Variants in RBFOX1 observed in about 807,000 individuals in gnomAD.
The protein encoded by RBFOX1 is RNA binding fox-1 homolog 1.
In RBFOX1, 8 loss-of-function variants were observed where a neutral mutation model predicts 57.7. The observed-to-expected ratio is 0.14, with a 90% CI of 0.08 to 0.25. The LOEUF (loss-of-function observed/expected upper bound fraction) is 0.25. Ranked by LOEUF, RBFOX1 falls within the 10% of genes least tolerant of loss-of-function variation. The probability of loss-of-function intolerance (pLI) is 1.00; values close to 1 mark genes in which losing one functional copy is unlikely to be tolerated. For missense variants in RBFOX1, 611 were observed against 548.5 expected, an observed-to-expected ratio of 1.11 and a Z score of -1.14; for synonymous variants, 326 against 222.4, an observed-to-expected ratio of 1.47 and a Z score of -4.15.
intron 2 of RBFOX1, among the ~76,000 whole-genome samples, chr16:6,382,507 G>C (rs568432269): frequency 2.5e-4 from 38 of 152,234 alleles, no homozygotes; most frequent in African/African-American, 7.2e-4. Flanking sequence ...GCAGCTCTTT[G>C]GGCCTCAGCT....
At chr16:7,636,841 G>C (rs1050400955) in intron 11 of RBFOX1, among the ~76,000 whole-genome samples, 1 of 121,106 alleles carries the variant, frequency 8.3e-6, no homozygotes, top group Admixed American at 8.1e-5. Flanking sequence ...GAGACAGAGA[G>C]AAACAGAGAG....
intron 3 of RBFOX1, among the ~76,000 whole-genome samples, chr16:7,040,958 C>T (rs990298928): frequency 6.6e-6 from 1 of 151,584 alleles, no homozygotes; most frequent in Non-Finnish European, 1.5e-5. Flanking sequence ...CTCTGTCCCC[C>T]AGGCTGGAGT....
chr16:7,699,200 C>G (rs549787293), intron 14 of RBFOX1, among the ~76,000 whole-genome samples: 12 of 152,290 alleles, frequency 7.9e-5, no homozygotes, highest in African/African-American at 2.9e-4. Flanking sequence ...GGGACCTTTT[C>G]TCTTTGAGAT....
chr16:5,576,932 G>A (rs1469305728), intron 2 of RBFOX1, among the ~76,000 whole-genome samples: 2 of 152,170 alleles, frequency 1.3e-5, no homozygotes, highest in Non-Finnish European at 2.9e-5. Flanking sequence ...ACAGCACTTG[G>A]GCCAAGATTA....
intron 3 of RBFOX1, among the ~76,000 whole-genome samples, chr16:6,980,989 G>A (rs972269543): frequency 7.7e-6 from 1 of 129,278 alleles, no homozygotes; most frequent in South Asian, 2.6e-4. Flanking sequence ...GTTGCAGTCT[G>A]CCGAGATCAC....
At chr16:7,441,833 C>G (rs374758121) in intron 4 of RBFOX1, among the ~76,000 whole-genome samples, 11 of 152,174 alleles carry the variant, frequency 7.2e-5, no homozygotes, top group Admixed American at 2.6e-4. Flanking sequence ...TTCGCCCAGC[C>G]TGCTTCACGA....
chr16:7,248,054 T>C (rs984531298), intron 4 of RBFOX1, among the ~76,000 whole-genome samples: 1 of 152,078 alleles, frequency 6.6e-6, no homozygotes, highest in African/African-American at 2.4e-5. Context: ...AAGTTAACCT[T>C]AAAAAAATAG....
intron 1 of RBFOX1, among the ~76,000 whole-genome samples, chr16:5,266,568 G>C (rs2062864336): frequency 1.9e-5 from 1 of 53,902 alleles, no homozygotes; most frequent in Non-Finnish European, 3.6e-5. Flanking sequence ...TTTTTTTTGA[G>C]GCAGGATCTT....
intron 3 of RBFOX1, among the ~76,000 whole-genome samples, chr16:6,822,604 C>G (rs2091493007): frequency 6.6e-6 from 1 of 152,198 alleles, no homozygotes; most frequent in Admixed American, 6.5e-5. Flanking sequence ...CCATCACAAT[C>G]TAAGTTATGG....
intron 3 of RBFOX1, among the ~76,000 whole-genome samples, chr16:6,716,696 C>A (rs1307477191): frequency 6.6e-6 from 1 of 152,166 alleles, no homozygotes; most frequent in African/African-American, 2.4e-5. Context: ...ATTCCTCTGG[C>A]CTTGATGTTT....
rs556478040 is a variant in RBFOX1 at position 7,302,740 on chromosome 16, T to C, written c.28-215407T>C. ...TATTGCTGCCAAGAATGCAAGAATG[T>C]GCTTTTTTTTTTTTTTCCTGTCAGG... is the stretch of plus-strand genomic sequence containing the variant. On this transcript the variant is annotated intron_variant, in intron 4 of 15. Coordinates refer to ENST00000550418, the MANE Select transcript of RBFOX1 (RefSeq NM_018723.4). 2.1e-4 allele frequency among the ~76,000 whole-genome samples: 22 copies of C among 104,888 alleles called. No individual in the cohort carries two copies. In the East Asian group the frequency reaches 4.8e-3, roughly 23 times the overall value. The allele number at this position is 104,888 out of a possible 152,430, so 68.8% of individuals were successfully genotyped here. A position where few individuals can be genotyped will look rare whatever the true frequency, so the allele number is the denominator to read the frequency against.
In RBFOX1 at chr16:7,443,073, C is replaced by G. The variant is rs899778793; in HGVS notation, c.28-75074C>G. Among the ~76,000 whole-genome samples the G allele has an allele frequency of 8.5e-5, 13 of 152,188 alleles. 1 individual carries two copies. The highest frequency in any genetic ancestry group is 7.7e-4 in the East Asian group (4 of 5,190). On this transcript the variant is annotated intron_variant, in intron 4 of 15. Coordinates refer to ENST00000550418, the MANE Select transcript of RBFOX1 (RefSeq NM_018723.4). ...ATTCGTATCAAAACCACAAACCTTACCCTTCAGTTGCACGAGAACACTCTT... is the reference window on the plus strand; with the variant it reads ...ATTCGTATCAAAACCACAAACCTTAGCCTTCAGTTGCACGAGAACACTCTT...
intron 4 of RBFOX1, among the ~76,000 whole-genome samples, chr16:7,115,536 AG>A (rs1362118423): frequency 6.6e-6 from 1 of 152,104 alleles, no homozygotes; most frequent in Non-Finnish European, 1.5e-5. Flanking sequence ...GCTCTCTTTG[AG>A]GGGGACCTTC....
intron 3 of RBFOX1, among the ~76,000 whole-genome samples, chr16:6,918,226 G>A (rs1214514944): frequency 6.6e-6 from 1 of 151,046 alleles, no homozygotes; most frequent in Non-Finnish European, 1.5e-5. Context: ...AGGTTGCAGT[G>A]AGCTGAGATT....
At chr16:7,602,337 G>C (rs965823021) in intron 9 of RBFOX1, among the ~76,000 whole-genome samples, 2 of 152,186 alleles carry the variant, frequency 1.3e-5, no homozygotes, top group Non-Finnish European at 2.9e-5. Flanking sequence ...TACAGAGCCA[G>C]ACCCCAAGAC....
chr16:5,497,245 C>T (rs1447741132), intron 2 of RBFOX1, among the ~76,000 whole-genome samples: 1 of 151,380 alleles, frequency 6.6e-6, no homozygotes, highest in Non-Finnish European at 1.5e-5. Flanking sequence ...CTTTGAAATC[C>T]TTTGGGATAT....
chr16:7,358,278 G>T (rs574453748), intron 4 of RBFOX1, among the ~76,000 whole-genome samples: 1 of 152,204 alleles, frequency 6.6e-6, no homozygotes, highest in Non-Finnish European at 1.5e-5. Context: ...GAGGGTGGCC[G>T]TGCCACCGAA....
At chr16:7,689,594 A>G (rs1453159281) in intron 14 of RBFOX1, among the ~76,000 whole-genome samples, 1 of 152,106 alleles carries the variant, frequency 6.6e-6, no homozygotes, top group African/African-American at 2.4e-5. Flanking sequence ...ACCTTGAATG[A>G]GCACTCTAGG....
chr16:5,859,458 G>C (rs1005830769), intron 3 of RBFOX1, among the ~76,000 whole-genome samples: 1 of 152,182 alleles, frequency 6.6e-6, no homozygotes, highest in African/African-American at 2.4e-5. Flanking sequence ...CCTCAGACAG[G>C]TAAGGTAACT....
Sources: gnomAD v4.1 joint callset for allele counts (sites outside exome capture counted in the v4.1 genomes callset) on GRCh38, gnomAD v4.1.1 for gene constraint, MANE v1.5 for transcripts, NCBI Gene and HGNC (gene_info 2026-07-23, HGNC 2026-07-21) for gene names.